BBS5: variants seen among roughly 807,000 people sequenced by gnomAD.
BBS5 encodes the protein Bardet-Biedl syndrome 5.
A neutral mutation model predicts 50.2 loss-of-function variants in BBS5; 39 were observed. That is an observed-to-expected ratio of 0.78 (90% CI 0.60 to 1.01). The LOEUF (loss-of-function observed/expected upper bound fraction) is 1.01, where lower values mean the gene tolerates loss of function less well. Among genes scored for constraint, BBS5 ranks in the 50% least tolerant of loss-of-function variants. The pLI, the probability that BBS5 is intolerant of heterozygous loss-of-function variation, is 0.00. For synonymous variants in BBS5, 134 were observed against 133.1 expected, an observed-to-expected ratio of 1.01 and a Z score of -0.05; for missense variants, 356 against 401.5, an observed-to-expected ratio of 0.89 and a Z score of 0.97.
At position 169,486,277 on chromosome 2, in the gene BBS5, G is replaced by C. The variant is rs144433326; in HGVS notation, c.143-792G>C. Reference sequence around the variant, plus strand: ...AAAAATAATTTTATGATTGTAATTTGTTGGTGAAATAATGTGTTTAAACAA... The same window carrying C: ...AAAAATAATTTTATGATTGTAATTTCTTGGTGAAATAATGTGTTTAAACAA... On this transcript the variant is annotated intron_variant, in intron 2 of 11. Coordinates refer to ENST00000295240, the MANE Select transcript of BBS5 (RefSeq NM_152384.3). Among the ~76,000 whole-genome samples the C allele has an allele frequency of 8.1e-3, 1,234 of 152,306 alleles. 30 individuals carry two copies. The highest frequency in any genetic ancestry group is 0.028 in the African/African-American group (1,172 of 41,554).
At chr2:169,486,688 A>T (rs575756260) in intron 2 of BBS5, among the ~76,000 whole-genome samples, 25 of 152,180 alleles carry the variant, frequency 1.6e-4, no homozygotes, top group Non-Finnish European at 2.8e-4. Flanking sequence ...GAAAAGTGTG[A>T]TTTCAGTGAA....
chr2:169,504,124 T>C (rs1683857792), intron 10 of BBS5, among the ~76,000 whole-genome samples, 179 bp from the exon 11 acceptor site: 1 of 152,218 alleles, frequency 6.6e-6, no homozygotes, highest in African/African-American at 2.4e-5. Context: ...CTTGTAGACA[T>C]GAACAGAGTG....
At chr2:169,499,748 T>C in intron 9 of BBS5, 128 bp downstream of exon 9, 1 of 972,760 alleles carries the variant, frequency 1.0e-6, no homozygotes, top group Non-Finnish European at 1.6e-6. Context: ...CAGATTCTGC[T>C]CAAGTGGGCA....
rs368146538 is a variant in BBS5 at position 169,487,057 on chromosome 2, G to C, written c.143-12G>C. 1.1e-5 allele frequency: 18 copies of C among 1,600,376 alleles called. No individual in the cohort carries two copies. Among genetic ancestry groups the C allele is most frequent in the Non-Finnish European group, 1.5e-5 (18 of 1,167,944 alleles). On this transcript the variant is annotated splice_polypyrimidine_tract_variant and intron_variant, in intron 2 of 11. Transcript: ENST00000295240. ...ATTTAAGTTAACCTATTTTTTGTCTGTGTGCTTTTAGGTAGACTCTTGGTA... is the reference window on the plus strand; with the variant it reads ...ATTTAAGTTAACCTATTTTTTGTCTCTGTGCTTTTAGGTAGACTCTTGGTA...
rs1479425079 is a variant in BBS5, at chr2:169,504,855, G to C, written c.*273G>C. ...GAGGGTAGCTGGATTCCTCAGGCCC[G>C]GGCGCTCCTACAGCAGTGCCTGCAC... On this transcript the variant is annotated 3_prime_UTR_variant, in exon 12 of 12. Coordinates refer to ENST00000295240, the MANE Select transcript of BBS5 (RefSeq NM_152384.3). 7.5e-6 allele frequency: 12 copies of C among 1,610,418 alleles called. No individual in the cohort carries two copies. Among genetic ancestry groups the C allele is most frequent in the Non-Finnish European group, 1.0e-5 (12 of 1,178,480 alleles).
At chr2:169,503,987 T>C (rs1271126332) in intron 10 of BBS5, among the ~76,000 whole-genome samples, 2 of 152,248 alleles carry the variant, frequency 1.3e-5, no homozygotes, top group Non-Finnish European at 2.9e-5. Context: ...CTTTTTCTTT[T>C]CTTTTTTTCT....
In BBS5 at chr2:169,504,525, A is replaced by C. The variant is rs1463029519; in HGVS notation, c.969A>C (p.Ala323=). 6.2e-7 allele frequency: 1 copy of C among 1,614,142 alleles called. No individual in the cohort carries two copies. The highest frequency in any genetic ancestry group is 8.5e-7 in the Non-Finnish European group (1 of 1,180,010). The stretch of plus-strand genomic sequence containing the variant: ...TATTTTCAGAAGAACTGGGGCTTGC[A>C]ATAGAGAAATTGAAGGATGGATTCA... ...EPVFSEELGL[A]IEKLKDGFTL... is the part of the protein sequence containing the mutation. The change falls in exon 12 of 12, where the codon GCA becomes GCC. Residue 323 remains alanine (A), a synonymous_variant. Transcript: ENST00000295240.
At chr2:169,490,505 C>T (rs560092494) in intron 5 of BBS5, among the ~76,000 whole-genome samples, 35 of 152,212 alleles carry the variant, frequency 2.3e-4, no homozygotes, top group African/African-American at 5.5e-4. Flanking sequence ...CGTGAGCCAC[C>T]GCACCCAGCA....
intron 10 of BBS5, among the ~76,000 whole-genome samples, chr2:169,503,898 T>C (rs1574344977): frequency 6.6e-6 from 1 of 152,218 alleles, no homozygotes; most frequent in African/African-American, 2.4e-5. Flanking sequence ...TGCTGACACA[T>C]TGAAGTACTT....
chr2:169,497,711 T>C, intron 8 of BBS5, 22 bp downstream of exon 8: 1 of 1,505,780 alleles, frequency 6.6e-7, no homozygotes. Flanking sequence ...TATATTTTTA[T>C]TAATCTTTGA....
Position 169,487,062 on chromosome 2 carries a change from C to T in BBS5, c.143-7C>T, listed in dbSNP as rs1574336588. Reference sequence around the variant, plus strand: ...AGTTAACCTATTTTTTGTCTGTGTGCTTTTAGGTAGACTCTTGGTAACAAA... The same window carrying T: ...AGTTAACCTATTTTTTGTCTGTGTGTTTTTAGGTAGACTCTTGGTAACAAA... On this transcript the variant is annotated splice_region_variant and splice_polypyrimidine_tract_variant and intron_variant, in intron 2 of 11. Transcript: ENST00000295240. The T allele has an allele frequency of 1.2e-6, 2 of 1,605,320 alleles. No homozygotes were observed. Among genetic ancestry groups the T allele is most frequent in the African/African-American group, 2.7e-5 (2 of 74,764 alleles).
Position 169,506,344 on chromosome 2 carries a change from C to T in BBS5, c.*1762C>T, listed in dbSNP as rs183253343. 8,347 of 183,494 alleles carry T rather than the reference C, an allele frequency of 0.045. 216 individuals carry two copies. The highest frequency in any genetic ancestry group is 0.11 in the East Asian group (642 of 6,068). The allele number at this position is 183,494 out of a possible 1,614,324, so 11.4% of individuals were successfully genotyped here. ...GAGCGGGCGATGATGACAGTGGCGGCTTTGTGGAGTGGAGGTGGGGGGAAG... is the reference window on the plus strand; with the variant it reads ...GAGCGGGCGATGATGACAGTGGCGGTTTTGTGGAGTGGAGGTGGGGGGAAG... On this transcript the variant is annotated 3_prime_UTR_variant, in exon 12 of 12. Coordinates refer to ENST00000295240, the MANE Select transcript of BBS5 (RefSeq NM_152384.3).
At chr2:169,499,427 A>G (rs1186951292) in intron 8 of BBS5, 59 bp from the exon 9 acceptor site, 1 of 1,510,940 alleles carries the variant, frequency 6.6e-7, no homozygotes, top group East Asian at 2.3e-5. Context: ...TTTATCTTAT[A>G]CTATAAATAC....
In BBS5 at chr2:169,499,554, C is replaced by T. The variant is rs76138485; in HGVS notation, c.750C>T (p.Ile250=). Residue 250 remains isoleucine (I), a synonymous_variant, in exon 9 of 12, where the codon ATC becomes ATT. Coordinates refer to ENST00000295240, the MANE Select transcript of BBS5 (RefSeq NM_152384.3). The part of the protein sequence containing the change: ...VEKLQESVKE[I]NSLHKVYSAS... ...AACTACAAGAATCAGTTAAGGAAAT[C>T]AATTCACTTCACAAAGTCTATTCTG... 3.3e-4 allele frequency: 534 copies of T among 1,613,020 alleles called. 3 individuals carry two copies. The African/African-American group carries it at 6.4e-3, about 19-fold the overall frequency.
chr2:169,504,268 C>T, intron 10 of BBS5, 35 bp from the exon 11 acceptor site: 1 of 1,594,964 alleles, frequency 6.3e-7, no homozygotes, highest in Non-Finnish European at 8.6e-7. Flanking sequence ...TATTATATGT[C>T]CAGTTTGTGA....
chr2:169,494,041 C>T (rs925817303), intron 7 of BBS5, among the ~76,000 whole-genome samples: 2 of 152,110 alleles, frequency 1.3e-5, no homozygotes, highest in Non-Finnish European at 2.9e-5. Context: ...TCCAGAGAAG[C>T]AGCACCATTA....
chr2:169,487,907 T>C (rs1421159717), intron 4 of BBS5, 52 bp downstream of exon 4: 1 of 1,584,522 alleles, frequency 6.3e-7, no homozygotes, highest in East Asian at 2.2e-5. Context: ...AAACTAGATA[T>C]TTGAGATTGA....
chr2:169,505,122 T>G lies in BBS5; in HGVS notation c.*540T>G, dbSNP rs1313156605. On this transcript the variant is annotated 3_prime_UTR_variant, in exon 12 of 12. Transcript: ENST00000295240. ...GGCGCGCGCCGCCACACCTGACTGG[T>G]TTTCGTATTTTTTTGGTGGAGACGG... 1 of 820,886 alleles carries G rather than the reference T, an allele frequency of 1.2e-6. No homozygotes were observed. Among genetic ancestry groups the G allele is most frequent in the African/African-American group, 1.7e-5 (1 of 58,818 alleles). The allele number at this position is 820,886 out of a possible 1,614,324, so 50.9% of individuals were successfully genotyped here.
At chr2:169,503,000 T>A (rs1683836704) in intron 9 of BBS5, 95 bp from the exon 10 acceptor site, 1 of 893,116 alleles carries the variant, frequency 1.1e-6, no homozygotes, top group South Asian at 1.4e-5. Flanking sequence ...TTATAAGACT[T>A]TAGTAGTTTG....
Sources: gnomAD v4.1 joint callset for allele counts (sites outside exome capture counted in the v4.1 genomes callset) on GRCh38, gnomAD v4.1.1 for gene constraint, MANE v1.5 for transcripts, NCBI Gene and HGNC (gene_info 2026-07-23, HGNC 2026-07-21) for gene names.